AGBL3: variants seen among roughly 807,000 people sequenced by gnomAD.
The protein encoded by AGBL3 is cytosolic carboxypeptidase 3.
A neutral mutation model predicts 94.5 loss-of-function variants in AGBL3; 68 were observed. The observed-to-expected ratio is 0.72, with a 90% CI of 0.59 to 0.88. AGBL3 has a LOEUF of 0.88. Ranked by LOEUF, AGBL3 falls within the 40% of genes least tolerant of loss-of-function variation. The pLI is 0.00. For synonymous variants in AGBL3, 354 were observed against 370.7 expected (o/e 0.95, Z 0.52); for missense variants, 934 against 1,103.8 (o/e 0.85, Z 2.18).
intron 16 of AGBL3, among the ~76,000 whole-genome samples, chr7:135,133,215 C>A (rs1829039670): frequency 6.6e-6 from 1 of 151,544 alleles, no homozygotes; most frequent in Admixed American, 6.6e-5. Flanking sequence ...CAAAATATCT[C>A]AAAAAAAATA....
chr7:135,113,592 G>A (rs1039506571), intron 15 of AGBL3, among the ~76,000 whole-genome samples: 1 of 152,192 alleles, frequency 6.6e-6, no homozygotes, highest in East Asian at 1.9e-4. Context: ...TTTTTTAAAT[G>A]TCTGACTACT....
chr7:135,113,180 T>G (rs1825877302), intron 15 of AGBL3, among the ~76,000 whole-genome samples: 1 of 152,226 alleles, frequency 6.6e-6, no homozygotes, highest in African/African-American at 2.4e-5. Flanking sequence ...TAATCATACA[T>G]TATCTTTCAG....
At chr7:135,128,242 A>C (rs1445688055) in intron 16 of AGBL3, among the ~76,000 whole-genome samples, 1 of 129,470 alleles carries the variant, frequency 7.7e-6, no homozygotes, top group Non-Finnish European at 1.6e-5. Context: ...CAGTGAGCCG[A>C]GATGGCACCA....
Position 135,035,006 on chromosome 7 carries a change from A to C in AGBL3, c.1337+78A>C, listed in dbSNP as rs987034035. The C allele has an allele frequency of 1.7e-5, 22 of 1,263,090 alleles. No homozygotes were observed. In the Admixed American group the frequency reaches 5.8e-4, roughly 33 times the overall value. 78.2% of individuals were successfully genotyped at this position (1,263,090 alleles called of 1,614,324 possible). A position where few individuals can be genotyped will look rare whatever the true frequency, so the allele number is the denominator to read the frequency against. ...CAATTTTGCTCCCACAATCTCATTC[A>C]TTTTACTGTAACTTCTCAAGATAGT... On this transcript the variant is annotated intron_variant, in intron 7 of 16. Coordinates refer to ENST00000436302, the MANE Select transcript of AGBL3 (RefSeq NM_178563.4).
chr7:135,061,568 T>C (rs1273983173), intron 12 of AGBL3, among the ~76,000 whole-genome samples: 1 of 152,100 alleles, frequency 6.6e-6, no homozygotes, highest in Admixed American at 6.6e-5. Context: ...TTTTTGTACA[T>C]AGTGTGAGAT....
intron 4 of AGBL3, among the ~76,000 whole-genome samples, chr7:135,007,258 T>C (rs1041703638): frequency 1.3e-5 from 2 of 151,870 alleles, no homozygotes; most frequent in Non-Finnish European, 2.9e-5. Flanking sequence ...CAGGCTAATA[T>C]ATATTATGAA....
At chr7:134,989,506 T>A (rs1001864085) in intron 3 of AGBL3, among the ~76,000 whole-genome samples, 196 bp downstream of exon 3, 6 of 152,190 alleles carry the variant, frequency 3.9e-5, no homozygotes, top group Non-Finnish European at 8.8e-5. Flanking sequence ...TATTAGAAAA[T>A]AATAAATGAA....
intron 12 of AGBL3, among the ~76,000 whole-genome samples, chr7:135,061,427 C>T (rs974981936): frequency 5.3e-5 from 8 of 151,992 alleles, no homozygotes; most frequent in Non-Finnish European, 1.0e-4. Flanking sequence ...CTTTTGTTGC[C>T]TGTGTTTTCA....
chr7:135,110,223 A>G (rs1248042270), intron 15 of AGBL3, among the ~76,000 whole-genome samples: 1 of 152,052 alleles, frequency 6.6e-6, no homozygotes, highest in East Asian at 1.9e-4. Flanking sequence ...GGCTGGCTGG[A>G]GTTCCAAGCC....
intron 15 of AGBL3, among the ~76,000 whole-genome samples, chr7:135,085,207 A>AT (rs1253931027): frequency 6.6e-6 from 1 of 151,634 alleles, no homozygotes; most frequent in East Asian, 1.9e-4. Flanking sequence ...TTGTTTGTTT[A>AT]TTTTTGCTAT....
At chr7:135,091,220 C>T (rs982752846) in intron 15 of AGBL3, among the ~76,000 whole-genome samples, 1 of 152,126 alleles carries the variant, frequency 6.6e-6, no homozygotes, top group Non-Finnish European at 1.5e-5. Flanking sequence ...AGTTTCTGCA[C>T]TCACCAGGGT....
intron 5 of AGBL3, among the ~76,000 whole-genome samples, chr7:135,021,983 C>A (rs995769812): frequency 6.6e-6 from 1 of 152,154 alleles, no homozygotes; most frequent in Non-Finnish European, 1.5e-5. Context: ...CATGTCCCTG[C>A]AAAGGACATG....
rs75336600 is a variant in AGBL3 at position 135,096,241 on chromosome 7, T to G, written c.2110+14451T>G. Among the ~76,000 whole-genome samples the G allele has an allele frequency of 7.8e-3, 1,190 of 152,124 alleles. 13 individuals are homozygous for G. The highest frequency in any genetic ancestry group is 8.8e-3 in the Non-Finnish European group (596 of 67,990). ...ACTAACTTAATTTCAGTGTTGTGTA[T>G]ATTGGGATCATGTTTCCTAAGAGTT... On this transcript the variant is annotated intron_variant, in intron 15 of 16. Coordinates refer to ENST00000436302, the MANE Select transcript of AGBL3 (RefSeq NM_178563.4).
intron 15 of AGBL3, among the ~76,000 whole-genome samples, chr7:135,087,457 T>C (rs1021638435): frequency 6.6e-6 from 1 of 152,062 alleles, no homozygotes; most frequent in African/African-American, 2.4e-5. Context: ...TTTTTGGATA[T>C]AGGCATTTAT....
intron 8 of AGBL3, among the ~76,000 whole-genome samples, chr7:135,041,165 G>C (rs1816821989): frequency 6.6e-6 from 1 of 152,098 alleles, no homozygotes; most frequent in African/African-American, 2.4e-5. Flanking sequence ...TTATGGATTG[G>C]AAGACTAAAC....
At chr7:135,063,779 C>T (rs1362333789) in intron 12 of AGBL3, among the ~76,000 whole-genome samples, 4 of 152,196 alleles carry the variant, frequency 2.6e-5, no homozygotes, top group African/African-American at 7.2e-5. Context: ...CAGCATCTTA[C>T]TTCTGCATAT....
chr7:135,019,332 A>G (rs1184860686), intron 5 of AGBL3, among the ~76,000 whole-genome samples: 1 of 152,212 alleles, frequency 6.6e-6, no homozygotes, highest in Non-Finnish European at 1.5e-5. Flanking sequence ...TTTGATGAGT[A>G]GAACTTTTAA....
intron 15 of AGBL3, among the ~76,000 whole-genome samples, chr7:135,088,080 CTT>C (rs1236595008): frequency 6.6e-6 from 1 of 151,962 alleles, no homozygotes. Flanking sequence ...TTCTTTGTCT[CTT>C]GTTTACAGTT....
intron 16 of AGBL3, among the ~76,000 whole-genome samples, chr7:135,123,155 G>A (rs1827380480): frequency 6.6e-6 from 1 of 152,156 alleles, no homozygotes; most frequent in Non-Finnish European, 1.5e-5. Flanking sequence ...TTGATAAAAG[G>A]TTAGAGTAGC....
Sources: gnomAD v4.1 joint callset for allele counts (sites outside exome capture counted in the v4.1 genomes callset) on GRCh38, gnomAD v4.1.1 for gene constraint, MANE v1.5 for transcripts, NCBI Gene and HGNC (gene_info 2026-07-23, HGNC 2026-07-21) for gene names.